PTPRM: variants seen among roughly 807,000 people sequenced by gnomAD.
PTPRM encodes the protein receptor-type tyrosine-protein phosphatase mu.
Under a neutral mutation model 186.7 loss-of-function variants are expected in PTPRM, and 47 were observed. That is an observed-to-expected ratio of 0.25 (90% CI 0.20 to 0.32). PTPRM has a LOEUF of 0.32. PTPRM is among the 10% of genes least tolerant of loss of function. PTPRM has a pLI of 1.00. For synonymous variants in PTPRM, 668 were observed against 674.9 expected (o/e 0.99, Z 0.16); for missense variants, 1,494 against 1,865.0 (o/e 0.80, Z 3.66).
chr18:8,223,264 A>G (rs2094175656), intron 14 of PTPRM, among the ~76,000 whole-genome samples: 1 of 152,172 alleles, frequency 6.6e-6, no homozygotes, highest in African/African-American at 2.4e-5. Flanking sequence ...CTGGTTGACT[A>G]ATTATAAATA....
rs573309223 is a variant in PTPRM at position 8,131,333 on chromosome 18, G to A, written c.2168-12314G>A. Among the ~76,000 whole-genome samples the A allele has an allele frequency of 1.2e-4, 18 of 152,270 alleles. No homozygotes were observed. The South Asian group carries it at 3.5e-3, about 30-fold the overall frequency. Reference sequence around the variant, plus strand: ...ATATTTTCCATTTACCTGTCTTTGGGATAAAAGCAGCATCAGCATGACCCA... The same window carrying A: ...ATATTTTCCATTTACCTGTCTTTGGAATAAAAGCAGCATCAGCATGACCCA... On this transcript the variant is annotated intron_variant, in intron 13 of 32. Coordinates refer to ENST00000580170, the MANE Select transcript of PTPRM (RefSeq NM_001105244.2).
intron 24 of PTPRM, among the ~76,000 whole-genome samples, chr18:8,371,382 G>A (rs1192890778): frequency 6.6e-6 from 1 of 152,110 alleles, no homozygotes; most frequent in Non-Finnish European, 1.5e-5. Flanking sequence ...ATGTCGATAT[G>A]CATTTTCCAG....
Position 8,002,063 on chromosome 18 carries a change from T to G in PTPRM, c.1132+46649T>G, listed in dbSNP as rs143751300. Among the ~76,000 whole-genome samples, 659 of 152,264 alleles carry G rather than the reference T, an allele frequency of 4.3e-3. 4 individuals carry two copies. Among genetic ancestry groups the G allele is most frequent in the African/African-American group, 0.015 (630 of 41,554 alleles). On this transcript the variant is annotated intron_variant, in intron 7 of 32. Coordinates refer to ENST00000580170, the MANE Select transcript of PTPRM (RefSeq NM_001105244.2). ...TTATTTTGGCCATTAGAGGACCACG[T>G]GAGATGAGATCATAGAAAAATTGCC... is the stretch of plus-strand genomic sequence containing the variant.
intron 13 of PTPRM, among the ~76,000 whole-genome samples, chr18:8,116,974 T>C (rs2091981157): frequency 6.6e-6 from 1 of 152,196 alleles, no homozygotes; most frequent in African/African-American, 2.4e-5. Flanking sequence ...TTCTGTTTCA[T>C]AAAATCACAG....
At chr18:8,088,629 T>G (rs913789164) in intron 10 of PTPRM, 120 bp from the exon 11 acceptor site, 1 of 771,740 alleles carries the variant, frequency 1.3e-6, no homozygotes, top group Non-Finnish European at 2.2e-6. Flanking sequence ...TGGTTGTTGA[T>G]AGCTGCAATG....
chr18:8,282,293 CTG>C (rs2094912164), intron 19 of PTPRM, among the ~76,000 whole-genome samples: 3 of 152,160 alleles, frequency 2.0e-5, no homozygotes, highest in Admixed American at 1.3e-4. Flanking sequence ...TGGAGAGAAA[CTG>C]TATTTCTTGT....
intron 16 of PTPRM, 112 bp downstream of exon 16, chr18:8,248,031 G>T (rs2094494076): frequency 7.4e-7 from 1 of 1,352,992 alleles, no homozygotes; most frequent in Non-Finnish European, 1.1e-6. Flanking sequence ...TTGAGATGTT[G>T]TAACCCAATG....
At chr18:8,085,978 A>G (rs1037103463) in intron 10 of PTPRM, 106 bp downstream of exon 10, 35 of 1,057,102 alleles carry the variant, frequency 3.3e-5, no homozygotes, top group Non-Finnish European at 4.8e-5. Flanking sequence ...CATTGTATCC[A>G]AAGGAATACT....
intron 29 of PTPRM, among the ~76,000 whole-genome samples, chr18:8,383,357 T>C (rs1377843749): frequency 9.5e-6 from 1 of 105,610 alleles, no homozygotes; most frequent in African/African-American, 3.6e-5. Context: ...AAAAAAGTTA[T>C]AGGAATAAGA....
At chr18:8,159,446 A>G (rs1268545198) in intron 14 of PTPRM, among the ~76,000 whole-genome samples, 2 of 152,172 alleles carry the variant, frequency 1.3e-5, no homozygotes, top group Non-Finnish European at 2.9e-5. Flanking sequence ...ATTAAATCCC[A>G]ACATACTATT....
At chr18:7,966,579 G>A (rs2054078888) in intron 7 of PTPRM, among the ~76,000 whole-genome samples, 2 of 146,880 alleles carry the variant, frequency 1.4e-5, no homozygotes, top group Non-Finnish European at 3.0e-5. Context: ...CAGACAGTGG[G>A]CTCAGGTCAG....
intron 7 of PTPRM, among the ~76,000 whole-genome samples, chr18:8,052,247 G>A (rs1447292637): frequency 6.6e-6 from 1 of 152,134 alleles, no homozygotes; most frequent in South Asian, 2.1e-4. Flanking sequence ...AAATTCTGGG[G>A]CTTCATCACA....
At chr18:7,899,204 G>A (rs1485804944) in intron 3 of PTPRM, among the ~76,000 whole-genome samples, 1 of 152,148 alleles carries the variant, frequency 6.6e-6, no homozygotes, top group Non-Finnish European at 1.5e-5. Context: ...GGAAAAGCAT[G>A]GCACTAACTA....
At chr18:7,611,935 T>C (rs2037685656) in intron 1 of PTPRM, among the ~76,000 whole-genome samples, 2 of 152,192 alleles carry the variant, frequency 1.3e-5, no homozygotes, top group African/African-American at 4.8e-5. Flanking sequence ...GAAAGCAGAC[T>C]GATACAAGGC....
chr18:7,772,288 C>CTTTTCTTTTCTTTTCTTT (rs1482742958), intron 1 of PTPRM, among the ~76,000 whole-genome samples: 1 of 62,242 alleles, frequency 1.6e-5, no homozygotes, highest in African/African-American at 7.0e-5. Context: ...TCTTTTCTTT[C>CTTTTCTTTTCTTTTCTTT]TCTCCTTCCT....
intron 19 of PTPRM, among the ~76,000 whole-genome samples, chr18:8,294,023 G>A (rs1045036090): frequency 2.0e-5 from 3 of 152,140 alleles, no homozygotes; most frequent in East Asian, 3.9e-4. Context: ...TCCCAAGGCA[G>A]GTGAATCACT....
In PTPRM at chr18:8,378,218, T is replaced by G. The variant is rs573763012; in HGVS notation, c.3463-47T>G. The G allele has an allele frequency of 3.6e-5, 56 of 1,539,904 alleles. No homozygotes were observed. The Middle Eastern group carries it at 5.1e-4, about 14-fold the overall frequency. On this transcript the variant is annotated intron_variant, in intron 26 of 32. Coordinates refer to ENST00000580170, the MANE Select transcript of PTPRM (RefSeq NM_001105244.2). The stretch of plus-strand genomic sequence containing the variant: ...CTAAAATTGATACCGTCTTTCCTCC[T>G]TCTCTGGTTCTCTAAAGTTAGTAAC...
intron 19 of PTPRM, among the ~76,000 whole-genome samples, chr18:8,286,326 T>A (rs2147789337): frequency 6.6e-6 from 1 of 152,328 alleles, no homozygotes; most frequent in Non-Finnish European, 1.5e-5. Context: ...AAGATGATGA[T>A]CTCTCTGTTT....
intron 2 of PTPRM, among the ~76,000 whole-genome samples, chr18:7,876,202 A>G (rs2048236792): frequency 6.6e-6 from 1 of 152,100 alleles, no homozygotes; most frequent in Non-Finnish European, 1.5e-5. Context: ...TGATTTAAAA[A>G]AATTGGTTTA....
Sources: gnomAD v4.1 joint callset for allele counts (sites outside exome capture counted in the v4.1 genomes callset) on GRCh38, gnomAD v4.1.1 for gene constraint, MANE v1.5 for transcripts, NCBI Gene and HGNC (gene_info 2026-07-23, HGNC 2026-07-21) for gene names.